Variants in MACROD2 observed in about 807,000 individuals in gnomAD.
MACROD2 encodes the protein mono-ADP ribosylhydrolase 2, also known as ADP-ribose glycohydrolase MACROD2.
A neutral mutation model predicts 70.4 loss-of-function variants in MACROD2; 36 were observed. That is an observed-to-expected ratio of 0.51 (90% CI 0.39 to 0.68). MACROD2 has a LOEUF of 0.68. Ranked by LOEUF, MACROD2 falls within the 30% of genes least tolerant of loss-of-function variation. The probability of loss-of-function intolerance (pLI) is 0.00; values close to 1 mark genes in which losing one functional copy is unlikely to be tolerated. For missense variants in MACROD2, 496 were observed against 538.4 expected (o/e 0.92, Z 0.78); for synonymous variants, 172 against 178.8 (o/e 0.96, Z 0.30).
intron 3 of MACROD2, among the ~76,000 whole-genome samples, chr20:14,457,866 G>A (rs372972704): frequency 1.2e-4 from 19 of 152,076 alleles, no homozygotes; most frequent in African/African-American, 4.1e-4. Flanking sequence ...TTGGGAGGCC[G>A]AGGTGGGTGG....
intron 4 of MACROD2, among the ~76,000 whole-genome samples, chr20:14,645,251 A>G (rs1600493848): frequency 6.6e-6 from 1 of 152,272 alleles, no homozygotes. Context: ...TTTACAAAAT[A>G]TAAGTAAGAC....
intron 6 of MACROD2, among the ~76,000 whole-genome samples, chr20:15,294,951 C>T (rs2077572967): frequency 6.6e-6 from 1 of 152,182 alleles, no homozygotes; most frequent in Non-Finnish European, 1.5e-5. Context: ...TTGTATTACT[C>T]TTTGTAACTT....
At chr20:14,184,660 G>A (rs1410742436) in intron 3 of MACROD2, among the ~76,000 whole-genome samples, 1 of 152,126 alleles carries the variant, frequency 6.6e-6, no homozygotes, top group Non-Finnish European at 1.5e-5. Context: ...TCCTATCCAT[G>A]AGCATGGAAT....
intron 9 of MACROD2, among the ~76,000 whole-genome samples, chr20:15,864,181 C>T (rs184604050): frequency 6.6e-5 from 10 of 151,218 alleles, no homozygotes; most frequent in South Asian, 2.1e-4. Context: ...GTTGTTGAGA[C>T]GAGTTGAATT....
chr20:14,111,272 T>G (rs573348525), intron 3 of MACROD2, among the ~76,000 whole-genome samples: 1 of 151,908 alleles, frequency 6.6e-6, no homozygotes, highest in African/African-American at 2.4e-5. Context: ...CAAGAAAACA[T>G]TGGGGAAACT....
At chr20:15,801,217 C>G (rs1323133959) in intron 8 of MACROD2, among the ~76,000 whole-genome samples, 1 of 131,080 alleles carries the variant, frequency 7.6e-6, no homozygotes, top group Non-Finnish European at 1.7e-5. Context: ...AAAAACAAAA[C>G]AAACAAACAA....
chr20:14,331,926 C>T (rs1039483417), intron 3 of MACROD2, among the ~76,000 whole-genome samples: 2 of 152,106 alleles, frequency 1.3e-5, no homozygotes, highest in African/African-American at 2.4e-5. Flanking sequence ...GCCTTTCTGT[C>T]CGCCTAGGCT....
At chr20:14,189,511 A>T (rs552816233) in intron 3 of MACROD2, among the ~76,000 whole-genome samples, 5 of 152,230 alleles carry the variant, frequency 3.3e-5, no homozygotes, top group Non-Finnish European at 7.4e-5. Flanking sequence ...CTCTCAGATG[A>T]GGTTTAAATT....
intron 4 of MACROD2, among the ~76,000 whole-genome samples, chr20:14,598,582 A>G (rs1982290091): frequency 6.6e-6 from 1 of 152,168 alleles, no homozygotes; most frequent in Non-Finnish European, 1.5e-5. Context: ...TTTAGCCAAC[A>G]TTTCTCTTAG....
intron 3 of MACROD2, among the ~76,000 whole-genome samples, chr20:14,399,834 T>C (rs2083619070): frequency 6.6e-6 from 1 of 152,200 alleles, no homozygotes; most frequent in East Asian, 1.9e-4. Context: ...ACTATTTTTT[T>C]CTGTCTTATC....
intron 5 of MACROD2, among the ~76,000 whole-genome samples, chr20:14,723,307 C>T (rs951069871): frequency 1.3e-5 from 2 of 151,830 alleles, no homozygotes; most frequent in African/African-American, 4.8e-5. Flanking sequence ...TTGATTATTA[C>T]CTTTTGCAGC....
intron 7 of MACROD2, among the ~76,000 whole-genome samples, chr20:15,496,959 A>G (rs1006311648): frequency 6.6e-6 from 1 of 152,154 alleles, no homozygotes; most frequent in Non-Finnish European, 1.5e-5. Flanking sequence ...GTGAGGGCCG[A>G]TCAGACCTTG....
chr20:15,279,122 C>T lies in MACROD2; in HGVS notation c.540+49061C>T, dbSNP rs143413597. On this transcript the variant is annotated intron_variant, in intron 6 of 17. Coordinates refer to ENST00000684519, the MANE Select transcript of MACROD2 (RefSeq NM_001351661.2). Reference sequence around the variant, plus strand: ...GGTAGTTAGTGGAAACTTGAAGGTACGAGTTATGAGCGACTTTAAAATATA... The same window carrying T: ...GGTAGTTAGTGGAAACTTGAAGGTATGAGTTATGAGCGACTTTAAAATATA... Among the ~76,000 whole-genome samples the T allele has an allele frequency of 5.6e-3, 851 of 152,210 alleles. 10 individuals are homozygous for T. Among genetic ancestry groups the T allele is most frequent in the African/African-American group, 0.02 (817 of 41,512 alleles).
intron 5 of MACROD2, among the ~76,000 whole-genome samples, chr20:14,740,146 C>T (rs996702239): frequency 2.6e-5 from 4 of 151,944 alleles, no homozygotes; most frequent in South Asian, 2.1e-4. Flanking sequence ...AAAATTCCTC[C>T]GCTTATTAAA....
At chr20:14,736,207 A>C (rs1302109924) in intron 5 of MACROD2, among the ~76,000 whole-genome samples, 1 of 152,204 alleles carries the variant, frequency 6.6e-6, no homozygotes, top group Non-Finnish European at 1.5e-5. Context: ...GAAACATTAC[A>C]CTAAGTGAAA....
At chr20:15,967,926 T>C (rs1341178807) in intron 13 of MACROD2, among the ~76,000 whole-genome samples, 5 of 152,158 alleles carry the variant, frequency 3.3e-5, no homozygotes, top group Non-Finnish European at 5.9e-5. Context: ...GAATGTGTTA[T>C]AACAATGAGA....
At chr20:14,163,720 G>A (rs966251107) in intron 3 of MACROD2, among the ~76,000 whole-genome samples, 8 of 150,330 alleles carry the variant, frequency 5.3e-5, no homozygotes, top group Non-Finnish European at 8.9e-5. Flanking sequence ...TCCGTCTTCT[G>A]CTTGATTTAG....
At chr20:14,969,178 T>TATATATAA (rs1434948342) in intron 5 of MACROD2, among the ~76,000 whole-genome samples, 3 of 151,432 alleles carry the variant, frequency 2.0e-5, no homozygotes, top group African/African-American at 7.3e-5. Flanking sequence ...TATATATATA[T>TATATATAA]AAATCTGTAC....
At chr20:14,880,024 C>G (rs925952411) in intron 5 of MACROD2, among the ~76,000 whole-genome samples, 1 of 152,134 alleles carries the variant, frequency 6.6e-6, no homozygotes, top group Admixed American at 6.5e-5. Context: ...ATGCATCGTG[C>G]TTTCGTTTTG....
Sources: gnomAD v4.1 joint callset for allele counts (sites outside exome capture counted in the v4.1 genomes callset) on GRCh38, gnomAD v4.1.1 for gene constraint, MANE v1.5 for transcripts, NCBI Gene and HGNC (gene_info 2026-07-23, HGNC 2026-07-21) for gene names.